Variants in EIF3L observed in about 807,000 individuals in gnomAD.
EIF3L encodes eukaryotic translation initiation factor 3 subunit L, also known as eIEF associated protein HSPC021.
Under a neutral mutation model 74.6 loss-of-function variants are expected in EIF3L, and 32 were observed. That is an observed-to-expected ratio of 0.43 (90% CI 0.32 to 0.58). The LOEUF is 0.58. EIF3L is among the 20% of genes least tolerant of loss of function. The pLI, the probability that EIF3L is intolerant of heterozygous loss-of-function variation, is 0.06. For synonymous variants in EIF3L, 256 were observed against 254.4 expected (o/e 1.01, Z -0.06); for missense variants, 474 against 707.8 (o/e 0.67, Z 3.75).
intron 11 of EIF3L, chr22:37,883,674 G>A (rs1398639044): frequency 1.3e-5 from 2 of 152,224 alleles, no homozygotes; most frequent in Non-Finnish European, 2.9e-5. Context: ...AGCACTTTGG[G>A]AGGCCAAGGC....
chr22:37,859,722 T>A (rs1286175625), intron 5 of EIF3L, among the ~76,000 whole-genome samples: 1 of 151,438 alleles, frequency 6.6e-6, no homozygotes, highest in Non-Finnish European at 1.5e-5. Flanking sequence ...CTGTACTATT[T>A]AAGGCTGGGC....
intron 7 of EIF3L, among the ~76,000 whole-genome samples, chr22:37,868,997 G>A (rs755351699): frequency 2.0e-5 from 3 of 151,926 alleles, no homozygotes; most frequent in South Asian, 4.1e-4. Context: ...AGCTGTTCTC[G>A]AACTCTTGAT....
At position 37,864,063 on chromosome 22, in the gene EIF3L, C is replaced by CA. The variant is rs556782593; in HGVS notation, c.579+730dup. 5.2e-3 allele frequency among the ~76,000 whole-genome samples: 718 copies of CA among 138,158 alleles called. 4 individuals carry two copies. The highest frequency in any genetic ancestry group is 0.015 in the African/African-American group (576 of 37,848). 90.6% of individuals were successfully genotyped at this position (138,158 alleles called of 152,430 possible). A position where few individuals can be genotyped will look rare whatever the true frequency, so the allele number is the denominator to read the frequency against. The stretch of plus-strand genomic sequence containing the variant: ...CTGGTAACAGTGCAAGACTCCATCT[C>CA]AAAAAAAAAAAAGAAAGAGTCAGGG... On this transcript the variant is annotated intron_variant, in intron 7 of 12. Coordinates refer to ENST00000652021, the MANE Select transcript of EIF3L (RefSeq NM_016091.4).
chr22:37,883,245 A>C, intron 11 of EIF3L: 1 of 148,654 alleles, frequency 6.7e-6, no homozygotes, highest in Non-Finnish European at 1.5e-5. Context: ...GCAGTGAGCC[A>C]AGATCGTGCC....
At chr22:37,873,098 C>T (rs1390252128) in intron 8 of EIF3L, among the ~76,000 whole-genome samples, 1 of 151,730 alleles carries the variant, frequency 6.6e-6, no homozygotes, top group Non-Finnish European at 1.5e-5. Context: ...AAGCAATTCT[C>T]CTGCCTCAGC....
chr22:37,849,963 T>A (rs1345693365), intron 1 of EIF3L, 52 bp from the exon 2 acceptor site: 1 of 1,605,904 alleles, frequency 6.2e-7, no homozygotes, highest in Non-Finnish European at 8.5e-7. Flanking sequence ...AGGATGAGCG[T>A]TTTGAATTCA....
chr22:37,860,977 G>A (rs911242406), intron 5 of EIF3L, among the ~76,000 whole-genome samples: 2 of 151,940 alleles, frequency 1.3e-5, no homozygotes, highest in East Asian at 3.8e-4. Context: ...GGCAATATTC[G>A]TGGCACTTCA....
rs937157256 is a variant in EIF3L at position 37,874,531 on chromosome 22, C to A, written c.906+7C>A. ...CATCGAACTGAACAAGAAGGTGATG[C>A]CTATTGCCTCTGGCCCCTCTTGCCA... On this transcript the variant is annotated splice_region_variant and intron_variant, in intron 9 of 12. Coordinates refer to ENST00000652021, the MANE Select transcript of EIF3L (RefSeq NM_016091.4). The A allele has an allele frequency of 2.5e-6, 4 of 1,611,876 alleles. No homozygotes were observed. The African/African-American group carries it at 5.3e-5, about 22-fold the overall frequency.
chr22:37,851,639 T>C, intron 3 of EIF3L, 149 bp downstream of exon 3: 1 of 620,474 alleles, frequency 1.6e-6, no homozygotes. Context: ...TAGGGACATT[T>C]TATTTTGTTA....
intron 12 of EIF3L, 76 bp from the exon 13 acceptor site, chr22:37,888,350 C>G: frequency 3.3e-6 from 5 of 1,508,744 alleles, no homozygotes; most frequent in Non-Finnish European, 4.6e-6. Context: ...GGGAATCTGA[C>G]CTAGTGATCA....
intron 11 of EIF3L, chr22:37,883,730 A>G (rs1601785245): frequency 2.0e-5 from 3 of 152,280 alleles, no homozygotes; most frequent in African/African-American, 7.2e-5. Context: ...CCTGGCCAAC[A>G]TGGTGAAACC....
intron 11 of EIF3L, chr22:37,880,684 G>A (rs1927003897): frequency 6.6e-6 from 1 of 152,210 alleles, no homozygotes; most frequent in Non-Finnish European, 1.5e-5. Flanking sequence ...TATAGAAACA[G>A]GGTCTCACTT....
At chr22:37,854,677 G>A (rs1335962328) in intron 3 of EIF3L, among the ~76,000 whole-genome samples, 1 of 152,132 alleles carries the variant, frequency 6.6e-6, no homozygotes. Context: ...GTGTTGGTCA[G>A]GCTGGTCTGG....
rs1411554950 is a variant in EIF3L, at chr22:37,878,267, AT to A, written c.1575+98del. ...ATGAAGTATATCGGGGAACAAAAAG[AT>A]TCCTGGCCTTGTGGTGCTGCCACAA... On this transcript the variant is annotated intron_variant, in intron 11 of 12. Coordinates refer to ENST00000652021, the MANE Select transcript of EIF3L (RefSeq NM_016091.4). The A allele has an allele frequency of 2.1e-6, 3 of 1,462,422 alleles. No individual in the cohort carries two copies. In the African/African-American group the frequency reaches 4.2e-5, roughly 21 times the overall value. The allele number at this position is 1,462,422 out of a possible 1,614,324, so 90.6% of individuals were successfully genotyped here.
intron 11 of EIF3L, chr22:37,880,098 G>C (rs1467913688): frequency 1.3e-5 from 2 of 151,404 alleles, no homozygotes; most frequent in Non-Finnish European, 2.9e-5. Context: ...ATCGCGCCCG[G>C]TATTATTTTA....
intron 4 of EIF3L, 124 bp downstream of exon 4, chr22:37,855,768 G>A (rs1287492976): frequency 2.7e-6 from 2 of 731,660 alleles, no homozygotes; most frequent in African/African-American, 1.8e-5. Context: ...TGCTTGGTAT[G>A]TAGTAGGTCC....
intron 8 of EIF3L, among the ~76,000 whole-genome samples, chr22:37,871,631 G>C (rs1228644696): frequency 6.6e-6 from 1 of 152,134 alleles, no homozygotes; most frequent in Admixed American, 6.6e-5. Flanking sequence ...ATTTTGGGAG[G>C]CTGAGGCGGG....
chr22:37,858,109 G>A (rs113117747), intron 4 of EIF3L, among the ~76,000 whole-genome samples: 7,553 of 151,850 alleles, frequency 0.05, 599 homozygotes, highest in African/African-American at 0.17. Context: ...CCTGGAAGTC[G>A]AGGCTGCAGT....
intron 2 of EIF3L, 99 bp downstream of exon 2, chr22:37,850,162 T>C: frequency 1.4e-6 from 2 of 1,395,108 alleles, no homozygotes; most frequent in Non-Finnish European, 2.0e-6. Context: ...TGCTCTTTGA[T>C]GGTCCAGGTT....
Sources: allele counts gnomAD v4.1 joint callset (sites outside exome capture counted in the v4.1 genomes callset), GRCh38; gene constraint gnomAD v4.1.1; transcripts MANE v1.5; gene names NCBI Gene and HGNC (gene_info 2026-07-23, HGNC 2026-07-21).